Variants in TRPM3 observed in about 807,000 individuals in gnomAD.
The protein encoded by TRPM3 is transient receptor potential cation channel subfamily M member 3.
TRPM3 carries 77 observed loss-of-function variants against 181.2 expected under a neutral mutation model. The observed-to-expected ratio is 0.42, with a 90% CI of 0.35 to 0.51. The LOEUF is 0.51. Among genes scored for constraint, TRPM3 ranks in the 20% least tolerant of loss-of-function variants. The pLI is 0.01. For missense variants in TRPM3, 1,759 were observed against 2,196.7 expected (o/e 0.80, Z 3.98); for synonymous variants, 745 against 796.4 (o/e 0.94, Z 1.09).
intron 1 of TRPM3, among the ~76,000 whole-genome samples, chr9:71,227,933 T>C (rs1024553065): frequency 2.0e-5 from 3 of 152,070 alleles, no homozygotes; most frequent in Non-Finnish European, 2.9e-5. Flanking sequence ...AACTCTATTC[T>C]AACTATTCCA....
chr9:71,201,645 C>G (rs1220229049), intron 1 of TRPM3, among the ~76,000 whole-genome samples: 1 of 152,214 alleles, frequency 6.6e-6, no homozygotes, highest in Non-Finnish European at 1.5e-5. Flanking sequence ...CACTGATACC[C>G]TTTCTTCCAG....
rs771522102 is a variant in TRPM3 at position 70,763,637 on chromosome 9, CATTT to C, written c.1149-1917_1149-1914del. Among the ~76,000 whole-genome samples the C allele has an allele frequency of 4.2e-4, 64 of 152,214 alleles. 1 individual carries two copies. The East Asian group carries it at 0.011, about 26-fold the overall frequency. On this transcript the variant is annotated intron_variant, in intron 7 of 25. Transcript: ENST00000677713. ...GATTGAAATCATTTATTCATTCATTCATTTGTTTAGTCATTCAACAAATGCATAG... is the reference window on the plus strand; with the variant it reads ...GATTGAAATCATTTATTCATTCATTCGTTTAGTCATTCAACAAATGCATAG...
intron 22 of TRPM3, among the ~76,000 whole-genome samples, chr9:70,576,068 T>C (rs2053847522): frequency 6.6e-6 from 1 of 152,208 alleles, no homozygotes; most frequent in Non-Finnish European, 1.5e-5. Flanking sequence ...GGATGCCCCC[T>C]GTTTTCATGA....
At chr9:71,107,147 C>T (rs945389553) in intron 1 of TRPM3, among the ~76,000 whole-genome samples, 8 of 152,082 alleles carry the variant, frequency 5.3e-5, no homozygotes, top group African/African-American at 1.9e-4. Flanking sequence ...TAAATATACC[C>T]CCAACCCTGC....
chr9:71,193,002 G>A (rs549065900), intron 1 of TRPM3, among the ~76,000 whole-genome samples: 1 of 151,982 alleles, frequency 6.6e-6, no homozygotes, highest in South Asian at 2.1e-4. Flanking sequence ...GAAATGAATT[G>A]TGTATATATG....
chr9:70,918,323 T>C (rs1266194019), intron 1 of TRPM3, among the ~76,000 whole-genome samples: 1 of 152,168 alleles, frequency 6.6e-6, no homozygotes, highest in East Asian at 1.9e-4. Flanking sequence ...AGAATACACA[T>C]TCTTCTCCTC....
intron 1 of TRPM3, among the ~76,000 whole-genome samples, chr9:70,890,783 G>A (rs573724715): frequency 2.0e-5 from 3 of 151,992 alleles, no homozygotes; most frequent in Admixed American, 6.6e-5. Context: ...CCGTAAACAG[G>A]AAAAAACATG....
intron 1 of TRPM3, among the ~76,000 whole-genome samples, chr9:71,256,670 G>A (rs770271764): frequency 5.3e-5 from 8 of 152,078 alleles, no homozygotes; most frequent in South Asian, 2.1e-4. Context: ...AGCCATGACC[G>A]TATGCCTGAC....
chr9:70,783,809 G>C, intron 7 of TRPM3: 3 of 1,027,614 alleles, frequency 2.9e-6, no homozygotes, highest in Non-Finnish European at 3.5e-6. Flanking sequence ...ACTGGGAGGA[G>C]GAGAAGGAGA....
intron 6 of TRPM3, chr9:70,811,173 C>A (rs1176314480): frequency 6.2e-7 from 1 of 1,610,622 alleles, no homozygotes; most frequent in East Asian, 2.2e-5. Context: ...TACTTACCAA[C>A]TGAGTCTAAC....
chr9:70,681,402 T>C (rs1035367035), intron 9 of TRPM3, 104 bp downstream of exon 9: 8 of 919,436 alleles, frequency 8.7e-6, no homozygotes, highest in Admixed American at 2.1e-5. Context: ...TAATTTATTG[T>C]GTCATAGTAT....
rs148631137 is a variant in TRPM3 at position 71,285,170 on chromosome 9, A to G, written c.183+161483T>C. 6.1e-4 allele frequency among the ~76,000 whole-genome samples: 93 copies of G among 152,310 alleles called. 2 individuals are homozygous for G. Among genetic ancestry groups the G allele is most frequent in the African/African-American group, 2.0e-3 (83 of 41,566 alleles). ...GTAAGATATTTTACATTTTCTTCTA[A>G]AAGTGCCCATCCAGTCTAAAACTGT... On this transcript the variant is annotated intron_variant, in intron 1 of 24. Transcript: ENST00000357533.
At chr9:70,667,938 T>A (rs1424155944) in intron 9 of TRPM3, among the ~76,000 whole-genome samples, 40 of 152,136 alleles carry the variant, frequency 2.6e-4, no homozygotes. Context: ...GAGAAACCAG[T>A]GTGGTGAGCA....
intron 1 of TRPM3, among the ~76,000 whole-genome samples, chr9:71,106,993 C>T (rs575888891): frequency 3.0e-4 from 46 of 152,202 alleles, no homozygotes; most frequent in Middle Eastern, 3.4e-3. Flanking sequence ...TCTGCATTTG[C>T]GCAGCTGGGG....
chr9:70,946,345 C>T (rs2096932312), intron 1 of TRPM3, among the ~76,000 whole-genome samples: 1 of 151,948 alleles, frequency 6.6e-6, no homozygotes, highest in African/African-American at 2.4e-5. Flanking sequence ...CTTAGGCAGG[C>T]TGAGTTAAAA....
intron 1 of TRPM3, among the ~76,000 whole-genome samples, chr9:70,867,850 G>A (rs570356537): frequency 3.3e-5 from 5 of 152,082 alleles, no homozygotes; most frequent in East Asian, 1.9e-4. Context: ...GCATTTTGAC[G>A]TTTAATACTG....
chr9:70,568,277 C>A (rs1479314487), intron 22 of TRPM3, among the ~76,000 whole-genome samples: 2 of 152,086 alleles, frequency 1.3e-5, no homozygotes, highest in African/African-American at 4.8e-5. Flanking sequence ...AAATTTCAAG[C>A]CCAAGTACAG....
rs141993060 is a variant in TRPM3, at chr9:70,697,966, G to A, written c.1273-16388C>T. ...CTCACATCTGTAATCCCAGCACTTC[G>A]GGAGGCCGAGGAGGGTAGATCACCT... On this transcript the variant is annotated intron_variant, in intron 8 of 25. Coordinates refer to ENST00000677713, the MANE Select transcript of TRPM3 (RefSeq NM_001366145.2). Among the ~76,000 whole-genome samples, 53 of 152,194 alleles carry A rather than the reference G, an allele frequency of 3.5e-4. 1 individual carries two copies. The highest frequency in any genetic ancestry group is 1.1e-3 in the African/African-American group (45 of 41,518).
intron 1 of TRPM3, among the ~76,000 whole-genome samples, chr9:70,871,699 C>T (rs143034079): frequency 6.6e-6 from 1 of 152,104 alleles, no homozygotes; most frequent in East Asian, 1.9e-4. Flanking sequence ...AAATCTTGTG[C>T]ATCACCTGAC....
Sources: gnomAD v4.1 joint callset for allele counts (sites outside exome capture counted in the v4.1 genomes callset) on GRCh38, gnomAD v4.1.1 for gene constraint, MANE v1.5 for transcripts, NCBI Gene and HGNC (gene_info 2026-07-23, HGNC 2026-07-21) for gene names.